MYH9: variants seen among roughly 807,000 people sequenced by gnomAD.
MYH9 encodes the protein myosin-9.
In MYH9, 29 loss-of-function variants were observed where a neutral mutation model predicts 241.9. The observed-to-expected ratio is 0.12, with a 90% CI of 0.09 to 0.16. MYH9 has a LOEUF of 0.16. Among genes scored for constraint, MYH9 ranks in the 10% least tolerant of loss-of-function variants. The probability of loss-of-function intolerance (pLI) is 1.00; values close to 1 mark genes in which losing one functional copy is unlikely to be tolerated. For synonymous variants in MYH9, 1,047 were observed against 1,062.6 expected, an observed-to-expected ratio of 0.99 and a Z score of 0.29; for missense variants, 1,803 against 2,595.5, an observed-to-expected ratio of 0.69 and a Z score of 6.63.
At chr22:36,294,002 G>A (rs898903875) in intron 28 of MYH9, 90 bp downstream of exon 28, 11 of 1,508,276 alleles carry the variant, frequency 7.3e-6, no homozygotes, top group Non-Finnish European at 8.2e-6. Flanking sequence ...AGAAGAGAGA[G>A]AGACAGAGAG....
Position 36,295,854 on chromosome 22 carries a change from C to T in MYH9, c.3273-137G>A. ...CAATCATGGCACTTAGGATGGCTCT[C>T]AGCAGAAACAACATCTGAGACAACC... On this transcript the variant is annotated intron_variant, in intron 25 of 40. Coordinates refer to ENST00000216181, the MANE Select transcript of MYH9 (RefSeq NM_002473.6). This position sits in a 1 kb window ranked among gnomAD's most constrained non-coding sequence, Gnocchi z 4.1. 1.3e-6 allele frequency: 1 copy of T among 770,592 alleles called. No homozygotes were observed. 47.7% of individuals were successfully genotyped at this position (770,592 alleles called of 1,614,324 possible).
At chr22:36,322,584 G>T in intron 5 of MYH9, 63 bp from the exon 6 acceptor site, 1 of 1,506,352 alleles carries the variant, frequency 6.6e-7, no homozygotes. Flanking sequence ...AGCCTGCCCT[G>T]CCTGGAAGGG....
intron 11 of MYH9, among the ~76,000 whole-genome samples, chr22:36,317,760 GTC>G (rs1283156004): frequency 1.3e-5 from 2 of 152,244 alleles, no homozygotes; most frequent in Admixed American, 6.5e-5. Flanking sequence ...GCTGCTGCTC[GTC>G]TCTCAGCACA....
At chr22:36,323,078 G>A (rs1465432343) in intron 5 of MYH9, among the ~76,000 whole-genome samples, 2 of 152,204 alleles carry the variant, frequency 1.3e-5, no homozygotes, top group African/African-American at 2.4e-5. Context: ...CAGTGAGCAC[G>A]GGATCCATGA....
chr22:36,327,085 C>T (rs2017347660), intron 4 of MYH9, among the ~76,000 whole-genome samples: 1 of 152,194 alleles, frequency 6.6e-6, no homozygotes, highest in African/African-American at 2.4e-5. Context: ...TGAGAGGCCC[C>T]AGTGTCTACT....
chr22:36,302,176 G>A (rs773993157), intron 20 of MYH9: 43 of 295,674 alleles, frequency 1.5e-4, no homozygotes, highest in Non-Finnish European at 2.0e-4. Flanking sequence ...TAGGCTAAGG[G>A]TTTATGTGTG....
At chr22:36,317,782 C>A (rs965381734) in intron 11 of MYH9, among the ~76,000 whole-genome samples, 2 of 152,248 alleles carry the variant, frequency 1.3e-5, no homozygotes, top group Non-Finnish European at 2.9e-5. Flanking sequence ...ACGTGGCAAG[C>A]CCAAGGCAGC....
Position 36,298,940 on chromosome 22 carries a change from C to A in MYH9, c.3079G>T (p.Ala1027Ser). 1 of 1,614,090 alleles carries A rather than the reference C, an allele frequency of 6.2e-7. No homozygotes were observed. The highest frequency in any genetic ancestry group is 8.5e-7 in the Non-Finnish European group (1 of 1,179,970). Residue 1027 changes from alanine to serine, a missense_variant, in exon 24 of 41, where the codon GCA (alanine) becomes TCA (serine). By Grantham distance (99) the Ala-to-Ser change is moderately conservative (BLOSUM62 1). This residue lies in a region of MYH9 where 290 missense variants were observed against 360.5 expected (regional missense o/e 0.80). Coordinates refer to ENST00000216181, the MANE Select transcript of MYH9 (RefSeq NM_002473.6). ...TCACCTTCCAAGTCAGTGATCATTGCCTCATGCTTGTTCTTGAGCTTGGCG... is the reference window on the plus strand; with the variant it reads ...TCACCTTCCAAGTCAGTGATCATTGACTCATGCTTGTTCTTGAGCTTGGCG... ...SLAKLKNKHEAMITDLEERLR... is the reference protein window; with the variant it reads ...SLAKLKNKHESMITDLEERLR...
Position 36,316,590 on chromosome 22 carries a change from G to A in MYH9, c.1307C>T (p.Ala436Val). ...FRWLVLRINKALDKTKRQGAS... is the reference protein window; with the variant it reads ...FRWLVLRINKVLDKTKRQGAS... ...GCCCTGCCTCTTGGTCTTGTCCAGA[G>A]CCTTGTTGATGCGCAGCACCAGCCA... Residue 436 changes from alanine (A) to valine (V), a missense_variant, in exon 12 of 41, where the codon GCT becomes GTT. Physicochemically the swap from Ala to Val is moderately conservative, Grantham distance 64. Transcript: ENST00000216181. 1.2e-6 allele frequency: 2 copies of A among 1,614,154 alleles called. No individual in the cohort carries two copies. Among genetic ancestry groups the A allele is most frequent in the Non-Finnish European group, 1.7e-6 (2 of 1,180,034 alleles).
At chr22:36,340,768 T>G (rs1389196714) in intron 3 of MYH9, among the ~76,000 whole-genome samples, 2 of 151,840 alleles carry the variant, frequency 1.3e-5, no homozygotes, top group African/African-American at 4.8e-5. Context: ...ACACAGGTCA[T>G]ACATAGGTGA....
chr22:36,293,229 G>A lies in MYH9; in HGVS notation c.4095+100C>T, dbSNP rs2016734579. 1 of 1,509,194 alleles carries A rather than the reference G, an allele frequency of 6.6e-7. No homozygotes were observed. The allele number at this position is 1,509,194 out of a possible 1,614,324, so 93.5% of individuals were successfully genotyped here. ...CTTCCCAGGGGGAGAGCAGCAATGG[G>A]CCGGCCCAGCGGGCAGGGCTGTCCT... On this transcript the variant is annotated intron_variant, in intron 30 of 40. Coordinates refer to ENST00000216181, the MANE Select transcript of MYH9 (RefSeq NM_002473.6). This position sits in a 1 kb window ranked among gnomAD's most constrained non-coding sequence, Gnocchi z 5.1.
intron 1 of MYH9, among the ~76,000 whole-genome samples, chr22:36,360,033 C>T (rs917728118): frequency 1.6e-5 from 2 of 127,766 alleles, no homozygotes; most frequent in African/African-American, 5.8e-5. Context: ...AGGACAAACA[C>T]CACCACCACC....
intron 1 of MYH9, among the ~76,000 whole-genome samples, chr22:36,362,648 T>C (rs1448946265): frequency 1.3e-5 from 2 of 152,176 alleles, no homozygotes; most frequent in Admixed American, 6.5e-5. Context: ...GGCTAATTTT[T>C]GTATTTTAGT....
rs764238857 is a variant in MYH9, at chr22:36,294,911, G to A, written c.3630+21C>T. On this transcript the variant is annotated intron_variant, in intron 27 of 40. Coordinates refer to ENST00000216181, the MANE Select transcript of MYH9 (RefSeq NM_002473.6). The stretch of plus-strand genomic sequence containing the variant: ...ACGGGGAACCCTGCCCTCCCCCTGC[G>A]GTCTCAGGGAGGCTCCGCACCCGCT... 8.4e-5 allele frequency: 135 copies of A among 1,609,836 alleles called. 1 individual carries two copies. In the Admixed American group the frequency reaches 1.2e-3, roughly 15 times the overall value.
chr22:36,290,838 G>C, intron 31 of MYH9, among the ~76,000 whole-genome samples: 1 of 146,292 alleles, frequency 6.8e-6, no homozygotes, highest in Non-Finnish European at 1.5e-5. Context: ...GCCCAGTGGC[G>C]ACCCCGTCTG....
chr22:36,294,423 T>A, intron 27 of MYH9, 125 bp from the exon 28 acceptor site: 1 of 1,033,572 alleles, frequency 9.7e-7, no homozygotes, highest in Non-Finnish European at 1.4e-6. Flanking sequence ...TGTGCCTGCG[T>A]CCTGGACTCA....
chr22:36,321,902 C>G (rs542890016), intron 6 of MYH9, 81 bp from the exon 7 acceptor site: 3 of 1,244,040 alleles, frequency 2.4e-6, no homozygotes, highest in African/African-American at 1.5e-5. Flanking sequence ...CACAGCCCCC[C>G]GCCCCACCTC....
chr22:36,322,398 C>G, intron 6 of MYH9, 31 bp downstream of exon 6: 1 of 1,610,792 alleles, frequency 6.2e-7, no homozygotes, highest in Non-Finnish European at 8.5e-7. Context: ...GCCCTCTGTC[C>G]CCAGAGCCGG....
Position 36,329,566 on chromosome 22 carries a change from C to T in MYH9, c.491-2078G>A, listed in dbSNP as rs535100005. Among the ~76,000 whole-genome samples, 3 of 152,316 alleles carry T rather than the reference C, an allele frequency of 2.0e-5. No homozygotes were observed. In the South Asian group the frequency reaches 6.2e-4, roughly 32 times the overall value. On this transcript the variant is annotated intron_variant, in intron 3 of 40. Coordinates refer to ENST00000216181, the MANE Select transcript of MYH9 (RefSeq NM_002473.6). This position sits in a 1 kb window ranked among gnomAD's most constrained non-coding sequence, Gnocchi z 4.1. ...CTACTAGCAGGCAAGAATGTACCTG[C>T]GAGTGCTGGCAAGTCGTGAGCAGCC... is the stretch of plus-strand genomic sequence containing the variant.
Sources: allele counts gnomAD v4.1 joint callset (sites outside exome capture counted in the v4.1 genomes callset), GRCh38; gene constraint gnomAD v4.1.1; regional missense constraint gnomAD v4.1.1; non-coding constraint Gnocchi (gnomAD v3.1); transcripts MANE v1.5; gene names NCBI Gene and HGNC (gene_info 2026-07-23, HGNC 2026-07-21).